The following TMEM132C variants were observed in gnomAD, a reference collection of about 807,000 sequenced individuals.
TMEM132C encodes the protein protein phosphatase 1, regulatory subunit 152.
A neutral mutation model predicts 61.4 loss-of-function variants in TMEM132C; 29 were observed. The observed-to-expected ratio is 0.47, with a 90% CI of 0.35 to 0.64. The LOEUF is 0.64. Among genes scored for constraint, TMEM132C ranks in the 30% least tolerant of loss-of-function variants. The pLI is 0.00. For missense variants in TMEM132C, 1,408 were observed against 1,476.9 expected (o/e 0.95, Z 0.76); for synonymous variants, 656 against 633.1 (o/e 1.04, Z -0.54).
In TMEM132C at chr12:128,706,258, T is replaced by TC; in HGVS notation, c.3290_3291insC (p.Arg1098Ter). On this transcript the variant is annotated frameshift_variant, in exon 9 of 9. Coordinates refer to ENST00000435159, the MANE Select transcript of TMEM132C (RefSeq NM_001136103.3). LOFTEE classifies it low-confidence loss of function (END_TRUNC). ...GTGGCTGTGGGTGCCCCCAAGGAACTTAGAAACTATCTGGAGAAACTCAAA... is the reference window on the plus strand; with the variant it reads ...GTGGCTGTGGGTGCCCCCAAGGAACTCTAGAAACTATCTGGAGAAACTCAAA... 1 of 1,549,556 alleles carries TC rather than the reference T, an allele frequency of 6.5e-7. No individual in the cohort carries two copies. Among genetic ancestry groups the TC allele is most frequent in the South Asian group, 1.2e-5 (1 of 83,844 alleles).
chr12:128,413,799 C>T (rs984093440), intron 1 of TMEM132C, among the ~76,000 whole-genome samples: 1 of 152,098 alleles, frequency 6.6e-6, no homozygotes, highest in African/African-American at 2.4e-5. Context: ...TACTCCCAGC[C>T]TGTTATTTTC....
intron 5 of TMEM132C, among the ~76,000 whole-genome samples, chr12:128,689,420 C>A (rs1954702537): frequency 6.6e-6 from 1 of 152,084 alleles, no homozygotes. Context: ...GTGAAAGCAC[C>A]TTGCAGATGT....
intron 1 of TMEM132C, among the ~76,000 whole-genome samples, chr12:128,286,213 C>T (rs925751011): frequency 1.3e-5 from 2 of 152,052 alleles, no homozygotes; most frequent in Non-Finnish European, 2.9e-5. Context: ...CTGAGAGCTC[C>T]TGGACTTCAG....
intron 1 of TMEM132C, among the ~76,000 whole-genome samples, chr12:128,349,845 T>A (rs983497557): frequency 3.9e-5 from 6 of 152,166 alleles, no homozygotes; most frequent in African/African-American, 1.4e-4. Flanking sequence ...TGTATTAATA[T>A]TTCTACTTCT....
intron 2 of TMEM132C, among the ~76,000 whole-genome samples, chr12:128,508,435 G>A (rs1214591997): frequency 6.6e-6 from 1 of 152,220 alleles, no homozygotes; most frequent in African/African-American, 2.4e-5. Flanking sequence ...CGGCCCTCGA[G>A]ATGAGGAGTT....
intron 2 of TMEM132C, among the ~76,000 whole-genome samples, chr12:128,417,041 C>G (rs11059682): frequency 0.02 from 3,048 of 152,134 alleles, 94 homozygotes; most frequent in African/African-American, 0.069. Context: ...AGTATCATGA[C>G]CTTGTGACTG....
intron 5 of TMEM132C, among the ~76,000 whole-genome samples, chr12:128,693,235 G>A (rs993951604): frequency 7.2e-5 from 11 of 152,244 alleles, no homozygotes; most frequent in South Asian, 2.1e-4. Context: ...AAGGCACTAC[G>A]GGCCCTTTGC....
intron 4 of TMEM132C, among the ~76,000 whole-genome samples, chr12:128,666,048 C>T (rs555411998): frequency 3.6e-5 from 5 of 138,536 alleles, no homozygotes; most frequent in African/African-American, 1.5e-4. Context: ...CACTCATACA[C>T]AAACACAGGC....
intron 4 of TMEM132C, among the ~76,000 whole-genome samples, chr12:128,652,965 A>G (rs1378813283): frequency 2.0e-5 from 3 of 152,230 alleles, no homozygotes; most frequent in East Asian, 3.8e-4. Context: ...CTACACAAAG[A>G]CTTGTACTTA....
At chr12:128,635,936 C>T (rs528244960) in intron 4 of TMEM132C, among the ~76,000 whole-genome samples, 1 of 152,310 alleles carries the variant, frequency 6.6e-6, no homozygotes, top group South Asian at 2.1e-4. Context: ...TTCGGAGAGC[C>T]CCAGAAGTCG....
intron 2 of TMEM132C, among the ~76,000 whole-genome samples, chr12:128,418,345 C>T (rs758885809): frequency 2.6e-5 from 4 of 152,224 alleles, no homozygotes; most frequent in Non-Finnish European, 5.9e-5. Context: ...GGGGATGTTA[C>T]GGACGGCGTA....
Position 128,327,916 on chromosome 12 carries a change from G to A in TMEM132C, c.85+60429G>A, listed in dbSNP as rs58926735. Among the ~76,000 whole-genome samples, 275 of 152,198 alleles carry A rather than the reference G, an allele frequency of 1.8e-3. 1 individual carries two copies. The highest frequency in any genetic ancestry group is 6.3e-3 in the African/African-American group (260 of 41,524). On this transcript the variant is annotated intron_variant, in intron 1 of 8. Coordinates refer to ENST00000435159, the MANE Select transcript of TMEM132C (RefSeq NM_001136103.3). ...CAAGTTTTATGCAGATGAAGCCTCT[G>A]GGTGCAGGCTTCAGAGAGAATAGAT... is the stretch of plus-strand genomic sequence containing the variant.
chr12:128,279,840 T>C (rs936213272), intron 1 of TMEM132C, among the ~76,000 whole-genome samples: 12 of 152,248 alleles, frequency 7.9e-5, no homozygotes, highest in Non-Finnish European at 1.6e-4. Context: ...CTTTGACTTA[T>C]TTAACTGTCT....
intron 3 of TMEM132C, among the ~76,000 whole-genome samples, chr12:128,554,193 C>T (rs1874261813): frequency 6.6e-6 from 1 of 152,212 alleles, no homozygotes; most frequent in South Asian, 2.1e-4. Context: ...TAGCTGGACT[C>T]AGAGGCATCC....
At chr12:128,321,049 C>T (rs1378728159) in intron 1 of TMEM132C, among the ~76,000 whole-genome samples, 2 of 151,104 alleles carry the variant, frequency 1.3e-5, no homozygotes, top group Non-Finnish European at 2.9e-5. Context: ...ACTCACAAAA[C>T]CTGGCTTGTA....
intron 2 of TMEM132C, among the ~76,000 whole-genome samples, chr12:128,466,563 C>T (rs1396173385): frequency 6.6e-6 from 1 of 152,154 alleles, no homozygotes; most frequent in Non-Finnish European, 1.5e-5. Flanking sequence ...CTCACTGTGT[C>T]TTCTGCAGCT....
intron 2 of TMEM132C, among the ~76,000 whole-genome samples, chr12:128,524,430 G>A (rs937952651): frequency 6.6e-6 from 1 of 152,186 alleles, no homozygotes; most frequent in Non-Finnish European, 1.5e-5. Context: ...TCCCCTGCTG[G>A]CTTTAGCCCT....
At chr12:128,301,943 C>G (rs1871612233) in intron 1 of TMEM132C, among the ~76,000 whole-genome samples, 1 of 152,120 alleles carries the variant, frequency 6.6e-6, no homozygotes, top group Admixed American at 6.5e-5. Context: ...AAAGAGGAAA[C>G]CACTTATAAA....
intron 2 of TMEM132C, among the ~76,000 whole-genome samples, chr12:128,416,432 T>A (rs374369460): frequency 6.6e-6 from 1 of 152,260 alleles, no homozygotes; most frequent in African/African-American, 2.4e-5. Context: ...GTATTTGTTT[T>A]AAATTTGTTT....
Sources: allele counts gnomAD v4.1 joint callset (sites outside exome capture counted in the v4.1 genomes callset), GRCh38; gene constraint gnomAD v4.1.1; transcripts MANE v1.5; gene names NCBI Gene and HGNC (gene_info 2026-07-23, HGNC 2026-07-21).